Variants in NBEAL1 observed in about 807,000 individuals in gnomAD.
NBEAL1 encodes neurobeachin like 1, also known as neurobeachin-like protein 1.
A neutral mutation model predicts 351.3 loss-of-function variants in NBEAL1; 273 were observed. That is an observed-to-expected ratio of 0.78 (90% CI 0.70 to 0.86). NBEAL1 has a LOEUF of 0.86. NBEAL1 is among the 40% of genes least tolerant of loss of function. NBEAL1 has a pLI of 0.00. For missense variants in NBEAL1, 2,961 were observed against 3,201.3 expected (o/e 0.92, Z 1.81); for synonymous variants, 1,050 against 1,086.4 (o/e 0.97, Z 0.66).
intron 3 of NBEAL1, among the ~76,000 whole-genome samples, chr2:203,042,530 A>G (rs2061159027): frequency 6.6e-6 from 1 of 151,578 alleles, no homozygotes; most frequent in East Asian, 1.9e-4. Flanking sequence ...CCCTCTCCCT[A>G]GAAGTATAAG....
chr2:203,139,623 C>T (rs935721003), intron 31 of NBEAL1, among the ~76,000 whole-genome samples: 1 of 113,080 alleles, frequency 8.8e-6, no homozygotes, highest in African/African-American at 3.4e-5. Flanking sequence ...GGCTGGAGTG[C>T]GGTGGCTCTC....
At chr2:203,203,952 G>T (rs1296007154) in intron 51 of NBEAL1, among the ~76,000 whole-genome samples, 4 of 149,932 alleles carry the variant, frequency 2.7e-5, no homozygotes, top group African/African-American at 9.8e-5. Context: ...TTGAGATGGA[G>T]TCTTGCTCTG....
intron 49 of NBEAL1, among the ~76,000 whole-genome samples, chr2:203,200,350 A>G (rs1380033900): frequency 6.6e-6 from 1 of 152,014 alleles, no homozygotes; most frequent in Non-Finnish European, 1.5e-5. Flanking sequence ...ATCTCTACTA[A>G]AAATACAAAA....
intron 2 of NBEAL1, among the ~76,000 whole-genome samples, chr2:203,021,286 A>AT (rs1172228446): frequency 6.7e-6 from 1 of 149,102 alleles, no homozygotes; most frequent in African/African-American, 2.5e-5. Flanking sequence ...CCAGCCCAGT[A>AT]TTTTTTTTAA....
At chr2:203,110,772 T>TC (rs888739007) in intron 15 of NBEAL1, among the ~76,000 whole-genome samples, 8 of 143,150 alleles carry the variant, frequency 5.6e-5, no homozygotes, top group South Asian at 2.3e-4. Flanking sequence ...TTTTTCTTTT[T>TC]TTTTTTTTTT....
At chr2:203,122,197 GT>G (rs1380525174) in intron 18 of NBEAL1, 56 bp from the exon 19 acceptor site, 2 of 996,456 alleles carry the variant, frequency 2.0e-6, no homozygotes, top group Non-Finnish European at 1.5e-6. Context: ...TCTATATGTG[GT>G]TAAATTTATG....
At chr2:203,119,851 T>C (rs2062790884) in intron 18 of NBEAL1, among the ~76,000 whole-genome samples, 1 of 152,238 alleles carries the variant, frequency 6.6e-6, no homozygotes, top group Non-Finnish European at 1.5e-5. Flanking sequence ...GAACATATTT[T>C]GTTATTATAA....
intron 51 of NBEAL1, among the ~76,000 whole-genome samples, chr2:203,206,732 C>T (rs964252378): frequency 6.6e-6 from 1 of 152,012 alleles, no homozygotes; most frequent in Non-Finnish European, 1.5e-5. Flanking sequence ...TCAATGGTGC[C>T]CAGGCTGGAG....
intron 10 of NBEAL1, among the ~76,000 whole-genome samples, chr2:203,092,399 CAA>C (rs1231545045): frequency 6.2e-5 from 7 of 112,392 alleles, no homozygotes; most frequent in Admixed American, 9.0e-5. Context: ...ACTAAAAATA[CAA>C]AAAAAAAAAA....
intron 19 of NBEAL1, among the ~76,000 whole-genome samples, chr2:203,124,793 A>C (rs1023367586): frequency 3.9e-5 from 6 of 152,184 alleles, no homozygotes; most frequent in Non-Finnish European, 1.5e-5. Context: ...GGGTGTTACT[A>C]TTATCCTCAT....
chr2:203,031,021 A>G (rs1436664938), intron 2 of NBEAL1, among the ~76,000 whole-genome samples: 4 of 152,250 alleles, frequency 2.6e-5, no homozygotes, highest in Non-Finnish European at 5.9e-5. Context: ...GAATCTGAAA[A>G]CATGGATTGT....
chr2:203,033,044 A>C (rs2106021990), intron 2 of NBEAL1, among the ~76,000 whole-genome samples: 1 of 151,896 alleles, frequency 6.6e-6, no homozygotes. Context: ...TCTGTCGCCC[A>C]GGCTGGAGTG....
chr2:203,045,657 CTG>C (rs1327196055), intron 3 of NBEAL1, among the ~76,000 whole-genome samples: 6 of 152,204 alleles, frequency 3.9e-5, no homozygotes, highest in Non-Finnish European at 8.8e-5. Flanking sequence ...AAGAAGCTAA[CTG>C]TATTCTACAT....
chr2:203,196,660 G>C (rs1427572157), intron 47 of NBEAL1, among the ~76,000 whole-genome samples: 2 of 152,014 alleles, frequency 1.3e-5, no homozygotes, highest in Non-Finnish European at 2.9e-5. Context: ...TAAGTTCTTA[G>C]AACAACACCT....
intron 36 of NBEAL1, 21 bp from the exon 37 acceptor site, chr2:203,166,128 A>G (rs761840109): frequency 6.5e-7 from 1 of 1,528,270 alleles, no homozygotes; most frequent in Non-Finnish European, 8.7e-7. Flanking sequence ...TTTTCTGTTT[A>G]TTGGCTTCTT....
chr2:203,083,183 G>T, intron 8 of NBEAL1, 36 bp from the exon 9 acceptor site: 1 of 1,505,820 alleles, frequency 6.6e-7, no homozygotes, highest in Non-Finnish European at 8.9e-7. Flanking sequence ...ACTTCATTAG[G>T]TTTAGGTTTC....
intron 2 of NBEAL1, among the ~76,000 whole-genome samples, chr2:203,022,182 G>A (rs2060783793): frequency 6.6e-6 from 1 of 152,082 alleles, no homozygotes; most frequent in South Asian, 2.1e-4. Flanking sequence ...GCAGTTAGTT[G>A]GTCACTAGAA....
At chr2:203,136,900 T>A in intron 29 of NBEAL1, 126 bp downstream of exon 29, 2 of 825,180 alleles carry the variant, frequency 2.4e-6, no homozygotes, top group Non-Finnish European at 3.7e-6. Context: ...AGAAACTTTG[T>A]GCTCAGTTCC....
Position 203,077,299 on chromosome 2 carries a change from G to C in NBEAL1, c.599-453G>C, listed in dbSNP as rs190492964. ...GCAGGAGAATCGCTTGAATCTGGGA[G>C]GTGGAGATTGCAGTGTGCTGAGATC... On this transcript the variant is annotated intron_variant, in intron 7 of 55. Coordinates refer to ENST00000683969, the MANE Select transcript of NBEAL1 (RefSeq NM_001378026.1). 3.7e-4 allele frequency among the ~76,000 whole-genome samples: 56 copies of C among 152,120 alleles called. No homozygotes were observed. In the East Asian group the frequency reaches 8.9e-3, roughly 24 times the overall value.
Sources: gnomAD v4.1 joint callset for allele counts (sites outside exome capture counted in the v4.1 genomes callset) on GRCh38, gnomAD v4.1.1 for gene constraint, MANE v1.5 for transcripts, NCBI Gene and HGNC (gene_info 2026-07-23, HGNC 2026-07-21) for gene names.